The following TANGO6 variants were observed in gnomAD, a reference collection of about 807,000 sequenced individuals.
TANGO6 encodes transport and Golgi organization protein 6 homolog.
A neutral mutation model predicts 114.2 loss-of-function variants in TANGO6; 90 were observed. The observed-to-expected ratio is 0.79, with a 90% CI of 0.66 to 0.94. TANGO6 has a LOEUF of 0.94. Ranked by LOEUF, TANGO6 falls within the 40% of genes least tolerant of loss-of-function variation. TANGO6 has a pLI of 0.00. For synonymous variants in TANGO6, 477 were observed against 509.8 expected (o/e 0.94, Z 0.87); for missense variants, 1,274 against 1,315.3 (o/e 0.97, Z 0.49).
At chr16:68,867,398 C>G (rs1186493332) in intron 4 of TANGO6, 178 bp downstream of exon 4, 2 of 685,004 alleles carry the variant, frequency 2.9e-6, no homozygotes, top group African/African-American at 3.6e-5. Flanking sequence ...TCCAAAGAAA[C>G]TAATTCTCTT....
At chr16:68,961,714 A>G (rs762665398) in intron 14 of TANGO6, among the ~76,000 whole-genome samples, 2 of 152,222 alleles carry the variant, frequency 1.3e-5, no homozygotes, top group Non-Finnish European at 2.9e-5. Context: ...GTGTTCAGAT[A>G]TATTATTTAG....
intron 15 of TANGO6, among the ~76,000 whole-genome samples, chr16:68,987,908 T>C (rs534139873): frequency 1.3e-5 from 2 of 152,380 alleles, no homozygotes; most frequent in Admixed American, 6.5e-5. Flanking sequence ...TGACTAATTA[T>C]ACTGAGCAAC....
At position 68,927,626 on chromosome 16, in the gene TANGO6, C is replaced by A; in HGVS notation, c.2186C>A (p.Ser729Tyr). 6.2e-7 allele frequency: 1 copy of A among 1,613,970 alleles called. No homozygotes were observed. The highest frequency in any genetic ancestry group is 8.5e-7 in the Non-Finnish European group (1 of 1,179,864). Residue 729 changes from serine to tyrosine, a missense_variant, in exon 13 of 18, where the codon TCC (serine) becomes TAC (tyrosine). Around this residue, in one of 5 missense-constraint regions of TANGO6, gnomAD observed 908 missense variants for 910.2 expected, o/e 1.00. Transcript: ENST00000261778. The part of the protein sequence containing the change: ...KQLLPLLEKV[S>Y]NTYPDPVIQE... ...TTGTTGCCTCTGTTGGAGAAGGTAT[C>A]CAACACATACCCTGATCCGGTCATC...
chr16:68,866,629 C>CAA (rs58469159), intron 3 of TANGO6, among the ~76,000 whole-genome samples: 100 of 104,828 alleles, frequency 9.5e-4, no homozygotes, highest in East Asian at 8.6e-4. Context: ...GACTCCGTCT[C>CAA]AAAAAAAAAA....
intron 15 of TANGO6, among the ~76,000 whole-genome samples, chr16:68,977,031 C>T (rs969804355): frequency 1.3e-5 from 2 of 152,094 alleles, no homozygotes; most frequent in Non-Finnish European, 2.9e-5. Context: ...AAATTTTACT[C>T]TTTATCTGGT....
In TANGO6 at chr16:68,902,812, C is replaced by A. The variant is rs544365557; in HGVS notation, c.1667+308C>A. 5.9e-5 allele frequency among the ~76,000 whole-genome samples: 9 copies of A among 152,294 alleles called. No homozygotes were observed. In the South Asian group the frequency reaches 1.9e-3, roughly 32 times the overall value. The stretch of plus-strand genomic sequence containing the variant: ...AGGGCAGACACATGTTCACCCTTAA[C>A]ACCATAATAATCCAATTATCTTTCT... On this transcript the variant is annotated intron_variant, in intron 9 of 17. Coordinates refer to ENST00000261778, the MANE Select transcript of TANGO6 (RefSeq NM_024562.2).
intron 2 of TANGO6, among the ~76,000 whole-genome samples, chr16:68,862,006 A>G (rs1472932464): frequency 6.6e-6 from 1 of 151,848 alleles, no homozygotes; most frequent in Admixed American, 6.6e-5. Context: ...ATAGATGGAG[A>G]CATCTATTTT....
chr16:68,982,630 C>CTT (rs562523656), intron 15 of TANGO6, among the ~76,000 whole-genome samples: 78 of 105,306 alleles, frequency 7.4e-4, no homozygotes, highest in East Asian at 1.9e-3. Context: ...ATGCCCTGGC[C>CTT]TTTTTTTTTT....
At chr16:69,019,466 T>C (rs557315738) in intron 15 of TANGO6, among the ~76,000 whole-genome samples, 1 of 152,318 alleles carries the variant, frequency 6.6e-6, no homozygotes, top group Admixed American at 6.5e-5. Context: ...CTTTTTCTTA[T>C]ACTGTATGGA....
chr16:68,974,626 G>A (rs1039070030), intron 15 of TANGO6, among the ~76,000 whole-genome samples: 7 of 152,038 alleles, frequency 4.6e-5, no homozygotes, highest in Non-Finnish European at 8.8e-5. Flanking sequence ...GCGCCACTGT[G>A]CTCCAGCCTG....
chr16:68,984,841 A>G (rs1206644220), intron 15 of TANGO6, among the ~76,000 whole-genome samples: 3 of 152,214 alleles, frequency 2.0e-5, no homozygotes, highest in Non-Finnish European at 4.4e-5. Flanking sequence ...ATTTAAAAGT[A>G]TGAAAAAGAA....
chr16:68,880,611 G>A lies in TANGO6; in HGVS notation c.1358G>A (p.Cys453Tyr). Residue 453 changes from cysteine to tyrosine, a missense_variant, in exon 7 of 18, where the codon TGC becomes TAC. Transcript: ENST00000261778. ...ILVTEEELSR[C>Y]IEDVFKVYVV... Reference sequence around the variant, plus strand: ...GTGACAGAAGAAGAACTTAGTAGATGCATTGAGGATGTGTTTAAGGTTGGT... The same window carrying A: ...GTGACAGAAGAAGAACTTAGTAGATACATTGAGGATGTGTTTAAGGTTGGT... 6.2e-7 allele frequency: 1 copy of A among 1,612,118 alleles called. No homozygotes were observed. Among genetic ancestry groups the A allele is most frequent in the African/African-American group, 1.3e-5 (1 of 74,986 alleles).
intron 17 of TANGO6, among the ~76,000 whole-genome samples, chr16:69,047,293 G>C (rs776612320): frequency 3.2e-4 from 49 of 152,070 alleles, no homozygotes; most frequent in African/African-American, 1.1e-3. Context: ...TCAGGAGTTC[G>C]AGACCAGCCT....
At chr16:68,998,367 C>T (rs1009999162) in intron 15 of TANGO6, among the ~76,000 whole-genome samples, 12 of 152,098 alleles carry the variant, frequency 7.9e-5, no homozygotes, top group African/African-American at 2.9e-4. Context: ...AACAGGTATA[C>T]CATAGTTTTT....
chr16:68,919,369 C>T, intron 12 of TANGO6, 150 bp downstream of exon 12: 2 of 1,106,626 alleles, frequency 1.8e-6, no homozygotes, highest in Middle Eastern at 3.1e-4. Context: ...TGAGAATTCT[C>T]TCCAAAGTAG....
chr16:69,029,424 T>C (rs918402907), intron 16 of TANGO6, among the ~76,000 whole-genome samples: 1 of 152,226 alleles, frequency 6.6e-6, no homozygotes, highest in African/African-American at 2.4e-5. Context: ...CAGTTTTTAT[T>C]GAGTGCCTAC....
intron 15 of TANGO6, among the ~76,000 whole-genome samples, chr16:69,013,748 C>T (rs1267169923): frequency 1.3e-5 from 2 of 151,646 alleles, no homozygotes; most frequent in Non-Finnish European, 2.9e-5. Flanking sequence ...CCTCCACCTC[C>T]TGGGCTCAAG....
intron 17 of TANGO6, among the ~76,000 whole-genome samples, chr16:69,048,166 T>A (rs568654243): frequency 6.6e-6 from 1 of 152,034 alleles, no homozygotes; most frequent in Admixed American, 6.6e-5. Flanking sequence ...CACTGCTGCC[T>A]CTGCCTCCTG....
intron 14 of TANGO6, among the ~76,000 whole-genome samples, chr16:68,966,982 G>C (rs1247056375): frequency 6.6e-6 from 1 of 152,050 alleles, no homozygotes; most frequent in Non-Finnish European, 1.5e-5. Flanking sequence ...ACGTTGGCCA[G>C]GCTGGTCTCA....
Sources: allele counts gnomAD v4.1 joint callset (sites outside exome capture counted in the v4.1 genomes callset), GRCh38; gene constraint gnomAD v4.1.1; regional missense constraint gnomAD v4.1.1; transcripts MANE v1.5; gene names NCBI Gene and HGNC (gene_info 2026-07-23, HGNC 2026-07-21).